Variants in SEMA6B observed in about 807,000 individuals in gnomAD.
The protein encoded by SEMA6B is semaphorin-6B.
SEMA6B carries 47 observed loss-of-function variants against 78.6 expected under a neutral mutation model. That is an observed-to-expected ratio of 0.60 (90% confidence interval 0.47 to 0.76). The LOEUF (loss-of-function observed/expected upper bound fraction) is 0.76. Among genes scored for constraint, SEMA6B ranks in the 30% least tolerant of loss-of-function variants. The pLI is 0.00. For missense variants in SEMA6B, 1,213 were observed against 1,269.9 expected (o/e 0.96, Z 0.68); for synonymous variants, 632 against 592.2 (o/e 1.07, Z -0.98).
In SEMA6B at chr19:4,544,003, G is replaced by C. The variant is rs972288708; in HGVS notation, c.2265C>G (p.Pro755=). 87 of 1,209,954 alleles carry C rather than the reference G, an allele frequency of 7.2e-5. No homozygotes were observed. Among genetic ancestry groups the C allele is most frequent in the Middle Eastern group, 3.2e-4 (1 of 3,080 alleles). 75.0% of individuals were successfully genotyped at this position (1,209,954 alleles called of 1,614,324 possible). The change falls in exon 17 of 17, where the codon CCC becomes CCG. Residue 755 remains proline, a synonymous_variant. Transcript: ENST00000586582. The surrounding 1 kb of genome is among the most constrained non-coding windows in gnomAD (Gnocchi z 5.1). ...SASSSLLLLA[P]ARAPEQPPAP... ...CGGGGGGCTGCTCGGGGGCCCGGGCGGGCGCCAGCAGCAGGAGGGAGGATG... is the reference window on the plus strand; with the variant it reads ...CGGGGGGCTGCTCGGGGGCCCGGGCCGGCGCCAGCAGCAGGAGGGAGGATG...
rs1156423622 is a variant in SEMA6B at position 4,544,595 on chromosome 19, C to A, written c.1739-66G>T. On this transcript the variant is annotated intron_variant, in intron 16 of 16. Transcript: ENST00000586582. The surrounding 1 kb of genome is among the most constrained non-coding windows in gnomAD (Gnocchi z 5.1). ...TGGCCCTGGGCATCCCTCCTACCTCCTCGGGGCCCTCTGTCCTCTTTTTTA... is the reference window on the plus strand; with the variant it reads ...TGGCCCTGGGCATCCCTCCTACCTCATCGGGGCCCTCTGTCCTCTTTTTTA... 3.4e-6 allele frequency: 3 copies of A among 890,740 alleles called. No homozygotes were observed. Among genetic ancestry groups the A allele is most frequent in the Non-Finnish European group, 3.1e-6 (2 of 648,942 alleles). The allele number at this position is 890,740 out of a possible 1,614,324, so 55.2% of individuals were successfully genotyped here.
In SEMA6B at chr19:4,550,345, C is replaced by G; in HGVS notation, c.1122-73G>C. On this transcript the variant is annotated intron_variant, in intron 11 of 16. Transcript: ENST00000586582. This position sits in a 1 kb window ranked among gnomAD's most constrained non-coding sequence, Gnocchi z 6.6. ...AAGGGGCCTGATTCACCAGAGGTACCCATTGCTTTGCCCAACGACCCTCAG... is the reference window on the plus strand; with the variant it reads ...AAGGGGCCTGATTCACCAGAGGTACGCATTGCTTTGCCCAACGACCCTCAG... 1 of 1,523,778 alleles carries G rather than the reference C, an allele frequency of 6.6e-7. No homozygotes were observed. The highest frequency in any genetic ancestry group is 9.0e-7 in the Non-Finnish European group (1 of 1,107,774). 94.4% of individuals were successfully genotyped at this position (1,523,778 alleles called of 1,614,324 possible). A position where few individuals can be genotyped will look rare whatever the true frequency, so the allele number is the denominator to read the frequency against.
chr19:4,556,154 C>A, intron 5 of SEMA6B, 65 bp from the exon 6 acceptor site: 1 of 1,176,028 alleles, frequency 8.5e-7, no homozygotes, highest in Non-Finnish European at 1.3e-6. Context: ...TGGGCGTGGC[C>A]AGAACCTGAG....
intron 5 of SEMA6B, among the ~76,000 whole-genome samples, chr19:4,556,600 T>A (rs1169899512): frequency 6.7e-6 from 1 of 150,040 alleles, no homozygotes; most frequent in Admixed American, 6.6e-5. Flanking sequence ...AGTGAGCTAT[T>A]GGGTGGCGTG....
At chr19:4,549,993 CTCTG>C in intron 12 of SEMA6B, 126 bp downstream of exon 12, 1 of 811,626 alleles carries the variant, frequency 1.2e-6, no homozygotes, top group East Asian at 2.7e-5. Context: ...CTCTCTGTCT[CTCTG>C]TGTCTCCAGC....
intron 16 of SEMA6B, among the ~76,000 whole-genome samples, chr19:4,545,340 CAA>C (rs552554036): frequency 9.7e-5 from 11 of 113,938 alleles, no homozygotes; most frequent in Admixed American, 8.8e-5. Context: ...GACTCTGTCT[CAA>C]AAAAAAAAAA....
Position 4,558,630 on chromosome 19 carries a change from T to C in SEMA6B, c.-32-141A>G, listed in dbSNP as rs549825598. 2.0e-5 allele frequency: 8 copies of C among 395,348 alleles called. No homozygotes were observed. Among genetic ancestry groups the C allele is most frequent in the Non-Finnish European group, 2.6e-5 (6 of 231,588 alleles). The allele number at this position is 395,348 out of a possible 1,614,324, so 24.5% of individuals were successfully genotyped here. A position where few individuals can be genotyped will look rare whatever the true frequency, so the allele number is the denominator to read the frequency against. On this transcript the variant is annotated intron_variant, in intron 1 of 16. Coordinates refer to ENST00000586582, the MANE Select transcript of SEMA6B (RefSeq NM_032108.4). This position sits in a 1 kb window ranked among gnomAD's most constrained non-coding sequence, Gnocchi z 5.1. ...TAATTAATAAAAACAATAATGGCAA[T>C]AATAATAATAATACACAGCACTGAT... is the stretch of plus-strand genomic sequence containing the variant.
chr19:4,550,329 G>C lies in SEMA6B; in HGVS notation c.1122-57C>G, dbSNP rs1046892072. ...CGTAAAGGTTCTCATAAAGGGGCCT[G>C]ATTCACCAGAGGTACCCATTGCTTT... On this transcript the variant is annotated intron_variant, in intron 11 of 16. Transcript: ENST00000586582. This position sits in a 1 kb window ranked among gnomAD's most constrained non-coding sequence, Gnocchi z 6.6. 6.3e-7 allele frequency: 1 copy of C among 1,582,144 alleles called. No homozygotes were observed. The highest frequency in any genetic ancestry group is 8.7e-7 in the Non-Finnish European group (1 of 1,153,932).
rs1439691184 is a variant in SEMA6B at position 4,544,327 on chromosome 19, C to A, written c.1941G>T (p.Ala647=). The A allele has an allele frequency of 6.6e-6, 10 of 1,508,788 alleles. No individual in the cohort carries two copies. Among genetic ancestry groups the A allele is most frequent in the Non-Finnish European group, 8.8e-6 (10 of 1,133,448 alleles). The allele number at this position is 1,508,788 out of a possible 1,614,324, so 93.5% of individuals were successfully genotyped here. Residue 647 remains alanine, a synonymous_variant, in exon 17 of 17, where the codon GCG becomes GCT. Transcript: ENST00000586582. This position sits in a 1 kb window ranked among gnomAD's most constrained non-coding sequence, Gnocchi z 5.1. ...CGCCCAGGCGGCTGACGCTCAGCAC[C>A]GCCTCGCCCGCCCCGTGCGCCAGGA... is the stretch of plus-strand genomic sequence containing the variant. ...EAILAHGAGE[A]VLSVSRLGER... is the part of the protein sequence containing the mutation.
Position 4,554,410 on chromosome 19 carries a change from A to G in SEMA6B, c.749T>C (p.Met250Thr). ...HVYFFFREIA[M>T]EFNYLEKVVV... is the part of the protein sequence containing the mutation. ...CACCTTCTCCAGGTAGTTAAACTCC[A>G]TCGCAATCTCCCGGAAGAAGAAGTA... The change falls in exon 9 of 17, where the codon ATG becomes ACG. Residue 250 changes from methionine to threonine, a missense_variant. Coordinates refer to ENST00000586582, the MANE Select transcript of SEMA6B (RefSeq NM_032108.4). 2 of 1,613,934 alleles carry G rather than the reference A, an allele frequency of 1.2e-6. No homozygotes were observed. Among genetic ancestry groups the G allele is most frequent in the Middle Eastern group, 1.6e-4 (1 of 6,062 alleles).
chr19:4,550,300 C>A lies in SEMA6B; in HGVS notation c.1122-28G>T, dbSNP rs758045036. 9.9e-6 allele frequency: 16 copies of A among 1,612,434 alleles called. 1 individual carries two copies. Among genetic ancestry groups the A allele is most frequent in the Non-Finnish European group, 1.4e-5 (16 of 1,179,218 alleles). ...GGGGGTGACAAGGGTGTGGTCAGGA[C>A]GAACGTAAAGGTTCTCATAAAGGGG... On this transcript the variant is annotated intron_variant, in intron 11 of 16. Coordinates refer to ENST00000586582, the MANE Select transcript of SEMA6B (RefSeq NM_032108.4). This position sits in a 1 kb window ranked among gnomAD's most constrained non-coding sequence, Gnocchi z 6.6.
chr19:4,548,680 T>G (rs1327986645), intron 12 of SEMA6B, among the ~76,000 whole-genome samples: 3 of 152,220 alleles, frequency 2.0e-5, no homozygotes, highest in Non-Finnish European at 2.9e-5. Flanking sequence ...CCCTGTCTCT[T>G]TGGTTGAGAT....
chr19:4,546,438 C>T lies in SEMA6B; in HGVS notation c.1633G>A (p.Gly545Arg), dbSNP rs753623769. Residue 545 changes from glycine to arginine, a missense_variant, in exon 15 of 17, where the codon GGG (glycine) becomes AGG (arginine). Transcript: ENST00000586582. Reference protein sequence around the residue: ...NCIGSQDPYCGWAPDGSCIFL... With the variant: ...NCIGSQDPYCRWAPDGSCIFL... Reference sequence around the variant, plus strand: ...ATGCAGGAGCCGTCGGGGGCCCACCCGCAGTAGGGGTCCTGACTGCCGATA... The same window carrying T: ...ATGCAGGAGCCGTCGGGGGCCCACCTGCAGTAGGGGTCCTGACTGCCGATA... 3.2e-6 allele frequency: 5 copies of T among 1,575,486 alleles called. No homozygotes were observed. Among genetic ancestry groups the T allele is most frequent in the Non-Finnish European group, 4.3e-6 (5 of 1,160,078 alleles).
rs745679612 is a variant in SEMA6B at position 4,544,450 on chromosome 19, G to A, written c.1818C>T (p.Ala606=). ...CGGACACCACGGCTCCCACCACGAA[G>A]GCCGCCACCGACGACGTTACCAGCA... ...VNLLVTSSVA[A]FVVGAVVSGF... The change falls in exon 17 of 17, where the codon GCC becomes GCT. Residue 606 remains alanine, a synonymous_variant. Transcript: ENST00000586582. This position sits in a 1 kb window ranked among gnomAD's most constrained non-coding sequence, Gnocchi z 5.1. 6.2e-7 allele frequency: 1 copy of A among 1,600,176 alleles called. No individual in the cohort carries two copies. The highest frequency in any genetic ancestry group is 8.5e-7 in the Non-Finnish European group (1 of 1,174,308).
At chr19:4,548,782 C>T (rs1977241065) in intron 12 of SEMA6B, among the ~76,000 whole-genome samples, 1 of 152,210 alleles carries the variant, frequency 6.6e-6, no homozygotes, top group Non-Finnish European at 1.5e-5. Flanking sequence ...ATTCTCTTGC[C>T]TCAGCCTCCT....
rs776308138 is a variant in SEMA6B at position 4,548,303 on chromosome 19, T to A, written c.1414A>T (p.Ser472Cys). The change falls in exon 13 of 17, where the codon AGT becomes TGT. Residue 472 changes from serine to cysteine, a missense_variant. Coordinates refer to ENST00000586582, the MANE Select transcript of SEMA6B (RefSeq NM_032108.4). ...NASTSGTSGL[S>C]VFLEEFETYR... is the part of the protein sequence containing the mutation. The stretch of plus-strand genomic sequence containing the variant: ...GTCTCAAACTCCTCCAGGAAGACAC[T>A]GAGCCCAGACGTCCCTGAGGTGCTG... The A allele has an allele frequency of 5.6e-6, 9 of 1,613,618 alleles. No homozygotes were observed. The highest frequency in any genetic ancestry group is 7.6e-6 in the Non-Finnish European group (9 of 1,179,870).
At chr19:4,554,044 C>T (rs1312541531) in intron 9 of SEMA6B, among the ~76,000 whole-genome samples, 2 of 151,008 alleles carry the variant, frequency 1.3e-5, no homozygotes. Context: ...GGCTGAAGAA[C>T]AGACAGATGG....
In SEMA6B at chr19:4,558,581, C is replaced by T; in HGVS notation, c.-32-92G>A. The T allele has an allele frequency of 1.4e-6, 1 of 691,858 alleles. No homozygotes were observed. The highest frequency in any genetic ancestry group is 1.8e-5 in the African/African-American group (1 of 54,084). The allele number at this position is 691,858 out of a possible 1,614,324, so 42.9% of individuals were successfully genotyped here. On this transcript the variant is annotated intron_variant, in intron 1 of 16. Coordinates refer to ENST00000586582, the MANE Select transcript of SEMA6B (RefSeq NM_032108.4). This position sits in a 1 kb window ranked among gnomAD's most constrained non-coding sequence, Gnocchi z 5.1. ...GAGCAGCAGACGCTCCTTCAAATCC[C>T]AGAAAAATTCCTCACGGGGATAATA...
In SEMA6B at chr19:4,543,529, C is replaced by T. The variant is rs1280449603; in HGVS notation, c.*72G>A. ...ACCCACTCGGAGTTGCCCCGGGCCCCGGCGTTCTGGCACCGTCTCTCGCTC... is the reference window on the plus strand; with the variant it reads ...ACCCACTCGGAGTTGCCCCGGGCCCTGGCGTTCTGGCACCGTCTCTCGCTC... On this transcript the variant is annotated 3_prime_UTR_variant, in exon 17 of 17. Coordinates refer to ENST00000586582, the MANE Select transcript of SEMA6B (RefSeq NM_032108.4). 2.4e-6 allele frequency: 2 copies of T among 839,310 alleles called. No homozygotes were observed. Among genetic ancestry groups the T allele is most frequent in the East Asian group, 3.4e-5 (1 of 29,840 alleles). The allele number at this position is 839,310 out of a possible 1,614,324, so 52.0% of individuals were successfully genotyped here. A position where few individuals can be genotyped will look rare whatever the true frequency, so the allele number is the denominator to read the frequency against.
Sources: allele counts gnomAD v4.1 joint callset (sites outside exome capture counted in the v4.1 genomes callset), GRCh38; gene constraint gnomAD v4.1.1; non-coding constraint Gnocchi (gnomAD v3.1); transcripts MANE v1.5; gene names NCBI Gene and HGNC (gene_info 2026-07-23, HGNC 2026-07-21).